The following RBFOX1 variants were observed in gnomAD, a reference collection of about 807,000 sequenced individuals.
RBFOX1 encodes RNA binding fox-1 homolog 1.
Under a neutral mutation model 57.7 loss-of-function variants are expected in RBFOX1, and 8 were observed. The ratio of observed to expected loss-of-function variants is 0.14; its 90% CI spans 0.08 to 0.25. RBFOX1 has a LOEUF of 0.25. Ranked by LOEUF, RBFOX1 falls within the 10% of genes least tolerant of loss-of-function variation. The pLI is 1.00. For synonymous variants in RBFOX1, 326 were observed against 222.4 expected, an observed-to-expected ratio of 1.47 and a Z score of -4.15; for missense variants, 611 against 548.5, an observed-to-expected ratio of 1.11 and a Z score of -1.14.
rs142936524 is a variant in RBFOX1, at chr16:7,395,242, G to C, written c.28-122905G>C. 3.2e-3 allele frequency among the ~76,000 whole-genome samples: 489 copies of C among 151,798 alleles called. 10 individuals carry two copies. The South Asian group carries it at 0.044, about 14-fold the overall frequency. ...TGCATTGTTCAAATTACAAAGCTTAGGTGACAGAATTGCTCTTTTTACTGG... is the reference window on the plus strand; with the variant it reads ...TGCATTGTTCAAATTACAAAGCTTACGTGACAGAATTGCTCTTTTTACTGG... On this transcript the variant is annotated intron_variant, in intron 4 of 15. Coordinates refer to ENST00000550418, the MANE Select transcript of RBFOX1 (RefSeq NM_018723.4).
intron 1 of RBFOX1, among the ~76,000 whole-genome samples, chr16:6,304,984 T>C (rs1282037488): frequency 1.3e-5 from 2 of 151,440 alleles, no homozygotes; most frequent in Non-Finnish European, 2.9e-5. Context: ...ACTAGTGAGA[T>C]GATGGATAAT....
intron 2 of RBFOX1, among the ~76,000 whole-genome samples, chr16:5,533,321 G>T (rs956900344): frequency 6.6e-6 from 1 of 152,204 alleles, no homozygotes; most frequent in African/African-American, 2.4e-5. Flanking sequence ...CTTATGGTAT[G>T]TGCTGGGCTA....
At chr16:5,616,694 G>C (rs573959987) in intron 3 of RBFOX1, among the ~76,000 whole-genome samples, 1 of 111,108 alleles carries the variant, frequency 9.0e-6, no homozygotes, top group African/African-American at 3.5e-5. Flanking sequence ...TCCGCCCCCT[G>C]ATTGCTATTG....
At chr16:6,113,256 T>G (rs1420111433) in intron 1 of RBFOX1, among the ~76,000 whole-genome samples, 2 of 152,220 alleles carry the variant, frequency 1.3e-5, no homozygotes, top group Non-Finnish European at 2.9e-5. Context: ...TGAGGCCGAT[T>G]GCAAAAGGGC....
chr16:6,901,024 C>G (rs570081183), intron 3 of RBFOX1, among the ~76,000 whole-genome samples: 1 of 152,152 alleles, frequency 6.6e-6, no homozygotes, highest in Non-Finnish European at 1.5e-5. Flanking sequence ...CTCCCATTCA[C>G]CGACATTATG....
chr16:7,181,123 A>G (rs1049700537), intron 4 of RBFOX1, among the ~76,000 whole-genome samples: 5 of 152,222 alleles, frequency 3.3e-5, no homozygotes, highest in African/African-American at 7.2e-5. Flanking sequence ...ATTTGGAGAT[A>G]GGCTTTCAAT....
At chr16:7,468,046 C>G (rs2060845663) in intron 4 of RBFOX1, among the ~76,000 whole-genome samples, 1 of 152,262 alleles carries the variant, frequency 6.6e-6, no homozygotes, top group African/African-American at 2.4e-5. Flanking sequence ...AGCCGCTGAA[C>G]TTCTGAGAAC....
At chr16:5,714,394 A>G (rs1349099258) in intron 3 of RBFOX1, among the ~76,000 whole-genome samples, 1 of 152,174 alleles carries the variant, frequency 6.6e-6, no homozygotes, top group African/African-American at 2.4e-5. Context: ...ATGACTGGTC[A>G]CTGGAAATGG....
intron 2 of RBFOX1, among the ~76,000 whole-genome samples, chr16:6,402,264 G>A (rs889049440): frequency 6.6e-6 from 1 of 152,052 alleles, no homozygotes; most frequent in Non-Finnish European, 1.5e-5. Flanking sequence ...CTGGTCTCTG[G>A]GGTAGAATAA....
chr16:6,848,844 T>C (rs1236765363), intron 3 of RBFOX1, among the ~76,000 whole-genome samples: 1 of 152,166 alleles, frequency 6.6e-6, no homozygotes, highest in African/African-American at 2.4e-5. Context: ...TCAGGGATAA[T>C]GACCCAAATT....
chr16:5,973,512 A>T (rs2060002844), intron 4 of RBFOX1, among the ~76,000 whole-genome samples: 2 of 152,210 alleles, frequency 1.3e-5, no homozygotes, highest in African/African-American at 4.8e-5. Context: ...CAGAAAAGTC[A>T]TATACGCAGG....
At chr16:7,522,902 T>G (rs537594161) in intron 5 of RBFOX1, among the ~76,000 whole-genome samples, 1 of 152,326 alleles carries the variant, frequency 6.6e-6, no homozygotes, top group South Asian at 2.1e-4. Flanking sequence ...TTTACAAATG[T>G]ACCTGCATGC....
At chr16:6,920,442 T>G (rs983192418) in intron 3 of RBFOX1, among the ~76,000 whole-genome samples, 5 of 152,194 alleles carry the variant, frequency 3.3e-5, no homozygotes, top group African/African-American at 1.2e-4. Flanking sequence ...TTGTTTAAGT[T>G]GATACGAAAA....
At chr16:7,486,731 G>C (rs1261784762) in intron 4 of RBFOX1, among the ~76,000 whole-genome samples, 1 of 152,112 alleles carries the variant, frequency 6.6e-6, no homozygotes, top group Non-Finnish European at 1.5e-5. Context: ...AAGTCATTCA[G>C]CTGAGGTCTA....
intron 1 of RBFOX1, among the ~76,000 whole-genome samples, chr16:5,324,128 G>T (rs2064492903): frequency 6.6e-6 from 1 of 152,302 alleles, no homozygotes; most frequent in South Asian, 2.1e-4. Context: ...GGGGGTGGGG[G>T]CTGGATCAGC....
chr16:6,498,014 T>A (rs1399631321), intron 2 of RBFOX1, among the ~76,000 whole-genome samples: 1 of 152,018 alleles, frequency 6.6e-6, no homozygotes, highest in Non-Finnish European at 1.5e-5. Flanking sequence ...TTTGGGAGGC[T>A]GAGGCGGGTG....
chr16:5,683,788 TTA>T (rs1371792706), intron 3 of RBFOX1, among the ~76,000 whole-genome samples: 2 of 146,936 alleles, frequency 1.4e-5, no homozygotes, highest in South Asian at 2.1e-4. Flanking sequence ...ATTATTTATA[TTA>T]TATGTTTTAT....
At chr16:6,214,378 T>G (rs1291673737) in intron 1 of RBFOX1, among the ~76,000 whole-genome samples, 50 of 80,368 alleles carry the variant, frequency 6.2e-4, no homozygotes, top group Non-Finnish European at 5.7e-4. Context: ...GGAGAAAGAG[T>G]GAGAGTGAGA....
intron 3 of RBFOX1, among the ~76,000 whole-genome samples, chr16:6,752,008 A>T (rs2075018120): frequency 6.6e-6 from 1 of 152,132 alleles, no homozygotes; most frequent in Non-Finnish European, 1.5e-5. Flanking sequence ...CCCAGTTGGA[A>T]TAGGTGACTC....
Sources: allele counts gnomAD v4.1 joint callset (sites outside exome capture counted in the v4.1 genomes callset), GRCh38; gene constraint gnomAD v4.1.1; transcripts MANE v1.5; gene names NCBI Gene and HGNC (gene_info 2026-07-23, HGNC 2026-07-21).